Variants in SNRPN observed in about 807,000 individuals in gnomAD.
SNRPN encodes the protein small nuclear ribonucleoprotein polypeptide N.
SNRPN carries 7 observed loss-of-function variants against 25.2 expected under a neutral mutation model. The ratio of observed to expected loss-of-function variants is 0.28; its 90% CI spans 0.16 to 0.52. The LOEUF (loss-of-function observed/expected upper bound fraction) is 0.52. Among genes scored for constraint, SNRPN ranks in the 20% least tolerant of loss-of-function variants. The pLI is 0.96. For synonymous variants in SNRPN, 124 were observed against 110.6 expected (o/e 1.12, Z -0.76); for missense variants, 196 against 322.5 (o/e 0.61, Z 3.00).
chr15:24,933,826 T>C (rs1054464345), intron 3 of SNRPN, among the ~76,000 whole-genome samples: 1 of 152,180 alleles, frequency 6.6e-6, no homozygotes, highest in African/African-American at 2.4e-5. Context: ...TCTGGTAAGA[T>C]ACGGGGAAGT....
At chr15:24,963,581 C>G (rs2075174630) in intron 2 of SNRPN, among the ~76,000 whole-genome samples, 1 of 150,092 alleles carries the variant, frequency 6.7e-6, no homozygotes, top group Admixed American at 6.6e-5. Flanking sequence ...CACCACTGCA[C>G]TCTAGCCTGG....
chr15:24,834,734 T>C (rs150915527), intron 2 of SNRPN, among the ~76,000 whole-genome samples: 25 of 49,446 alleles, frequency 5.1e-4, no homozygotes, highest in Non-Finnish European at 7.1e-4. Flanking sequence ...TCTCCCTCTC[T>C]CTCTCTCTCT....
intron 3 of SNRPN, among the ~76,000 whole-genome samples, chr15:24,928,074 TA>T (rs2152783060): frequency 6.6e-6 from 1 of 152,246 alleles, no homozygotes; most frequent in South Asian, 2.1e-4. Flanking sequence ...CACAAAGACA[TA>T]AAAATAAATG....
intron 2 of SNRPN, among the ~76,000 whole-genome samples, chr15:24,888,918 C>CT (rs1245185867): frequency 6.6e-6 from 1 of 151,832 alleles, no homozygotes; most frequent in Non-Finnish European, 1.5e-5. Flanking sequence ...AGTTTCTTTT[C>CT]TTTTTTTATT....
chr15:24,901,362 GAAGCA>G (rs2058441261), intron 2 of SNRPN, among the ~76,000 whole-genome samples: 1 of 152,150 alleles, frequency 6.6e-6, no homozygotes, highest in Non-Finnish European at 1.5e-5. Context: ...AAATAGATGA[GAAGCA>G]TACTTAGAGT....
chr15:24,848,258 G>GGCGGCGGCGGGGGCGGGGGCGGC (rs2052416197), intron 2 of SNRPN: 1 of 124,148 alleles, frequency 8.1e-6, no homozygotes, highest in Admixed American at 8.4e-5. Flanking sequence ...GCGGGGGCGG[G>GGCGGCGGCGGGGGCGGGGGCGGC]GGCGGGGGCG....
intron 2 of SNRPN, among the ~76,000 whole-genome samples, chr15:24,963,896 G>A (rs1440305657): frequency 3.9e-5 from 6 of 152,006 alleles, no homozygotes; most frequent in Non-Finnish European, 2.9e-5. Context: ...GCCAGGCGTG[G>A]TGTTGTCTAC....
chr15:24,977,073 C>T (rs367732907), intron 7 of SNRPN, 44 bp downstream of exon 7: 2 of 1,474,714 alleles, frequency 1.4e-6, no homozygotes, highest in Non-Finnish European at 1.8e-6. Context: ...GAGAATATGA[C>T]TAAGCCGGAG....
At chr15:24,917,626 C>T (rs768593517) in intron 2 of SNRPN, among the ~76,000 whole-genome samples, 7 of 152,186 alleles carry the variant, frequency 4.6e-5, no homozygotes, top group Non-Finnish European at 7.3e-5. Context: ...CGTGTGGGGG[C>T]GCAGTGACCG....
chr15:24,944,251 T>A (rs2061743358), intron 3 of SNRPN, among the ~76,000 whole-genome samples: 1 of 152,330 alleles, frequency 6.6e-6, no homozygotes, highest in East Asian at 1.9e-4. Context: ...GTCATTAATG[T>A]AGCACATGAG....
intron 2 of SNRPN, among the ~76,000 whole-genome samples, chr15:24,900,065 G>C (rs2058354140): frequency 6.6e-6 from 1 of 152,188 alleles, no homozygotes; most frequent in Non-Finnish European, 1.5e-5. Flanking sequence ...ACCTGTGGTT[G>C]ATTGTGGCAA....
intron 2 of SNRPN, among the ~76,000 whole-genome samples, chr15:24,837,438 GGC>G (rs1483251870): frequency 6.6e-6 from 1 of 150,436 alleles, no homozygotes; most frequent in African/African-American, 2.5e-5. Context: ...CTGCGATCTT[GGC>G]TCACTGCAAG....
rs1195021458 is a variant in SNRPN, at chr15:24,978,260, A to G, written c.627A>G (p.Arg209=). Residue 209 remains arginine, a synonymous_variant, in exon 9 of 10, where the codon CGA becomes CGG. Transcript: ENST00000390687. ...CACCAATTGGGCTTCCCCCTGCTCGAGGGACGCCAATAGGCATGCCGCCTC... is the reference window on the plus strand; with the variant it reads ...CACCAATTGGGCTTCCCCCTGCTCGGGGGACGCCAATAGGCATGCCGCCTC... ...MGPPIGLPPA[R]GTPIGMPPPG... 6.2e-7 allele frequency: 1 copy of G among 1,613,914 alleles called. No homozygotes were observed. The highest frequency in any genetic ancestry group is 8.5e-7 in the Non-Finnish European group (1 of 1,179,872).
chr15:24,948,090 A>C (rs1173815623), intron 3 of SNRPN, among the ~76,000 whole-genome samples: 1 of 149,186 alleles, frequency 6.7e-6, no homozygotes, highest in Non-Finnish European at 1.5e-5. Context: ...TCAAAATAGC[A>C]ATCTTCCTTT....
intron 2 of SNRPN, among the ~76,000 whole-genome samples, chr15:24,833,993 T>C (rs533548739): frequency 1.3e-5 from 2 of 152,262 alleles, no homozygotes; most frequent in East Asian, 3.9e-4. Context: ...TGGCATGATA[T>C]TGGCTCACTG....
At position 24,845,704 on chromosome 15, in the gene SNRPN, A is replaced by G. The variant is rs767727332; in HGVS notation, c.-579+15799A>G. On this transcript the variant is annotated intron_variant, in intron 2 of 12. Transcript: ENST00000400100. The stretch of plus-strand genomic sequence containing the variant: ...CTATACTAATTATTTAGTTTCTTAC[A>G]TAAATTTTGGAATCTACTTCTCAGT... 1.2e-4 allele frequency among the ~76,000 whole-genome samples: 19 copies of G among 152,306 alleles called. No individual in the cohort carries two copies. The East Asian group carries it at 2.7e-3, about 22-fold the overall frequency.
intron 3 of SNRPN, among the ~76,000 whole-genome samples, chr15:24,938,534 G>A (rs1342037376): frequency 4.0e-5 from 6 of 151,418 alleles, no homozygotes; most frequent in Non-Finnish European, 7.4e-5. Context: ...CTTGGCCTCC[G>A]AAAGTGCTGG....
At chr15:24,889,923 G>A (rs992878853) in intron 2 of SNRPN, among the ~76,000 whole-genome samples, 22 of 151,394 alleles carry the variant, frequency 1.5e-4, no homozygotes, top group East Asian at 2.0e-4. Flanking sequence ...GGTGGTACAC[G>A]CTTGTAGTCC....
upstream of SNRPN, among the ~76,000 whole-genome samples, chr15:24,952,788 T>G (rs538595482): frequency 6.6e-6 from 1 of 152,200 alleles, no homozygotes; most frequent in African/African-American, 2.4e-5. Flanking sequence ...CTGCAAAAAG[T>G]ACCAAGCACT....
Sources: allele counts gnomAD v4.1 joint callset (sites outside exome capture counted in the v4.1 genomes callset), GRCh38; gene constraint gnomAD v4.1.1; transcripts MANE v1.5; gene names NCBI Gene and HGNC (gene_info 2026-07-23, HGNC 2026-07-21).